Variants in RPA2 observed in about 807,000 individuals in gnomAD.
RPA2 encodes replication protein A 32 kDa subunit.
RPA2 carries 22 observed loss-of-function variants against 33.4 expected under a neutral mutation model. The ratio of observed to expected loss-of-function variants is 0.66; its 90% CI spans 0.47 to 0.94. RPA2 has a LOEUF of 0.94. Ranked by LOEUF, RPA2 falls within the 40% of genes least tolerant of loss-of-function variation. The pLI, the probability that RPA2 is intolerant of heterozygous loss-of-function variation, is 0.00. For synonymous variants in RPA2, 109 were observed against 114.9 expected (o/e 0.95, Z 0.33); for missense variants, 279 against 329.9 (o/e 0.85, Z 1.19).
rs751577638 is a variant in RPA2 at position 27,907,062 on chromosome 1, A to G, written c.220-21T>C. 6.9e-6 allele frequency: 5 copies of G among 729,650 alleles called. No individual in the cohort carries two copies. The Admixed American group carries it at 1.1e-4, about 16-fold the overall frequency. 45.2% of individuals were successfully genotyped at this position (729,650 alleles called of 1,614,324 possible). ...GTGACCTAGGTTAGAAGAAACAAAG[A>G]AAAAAAAAAAAGGTCTGGTTCCCCC... is the stretch of plus-strand genomic sequence containing the variant. On this transcript the variant is annotated intron_variant, in intron 3 of 8. Coordinates refer to ENST00000373912, the MANE Select transcript of RPA2 (RefSeq NM_002946.5).
chr1:27,910,515 GAAAAAC>G (rs1273001332), intron 2 of RPA2, among the ~76,000 whole-genome samples: 5 of 152,064 alleles, frequency 3.3e-5, no homozygotes, highest in East Asian at 1.9e-4. Flanking sequence ...CTTAATTTTG[GAAAAAC>G]AAAAACAAAA....
chr1:27,906,100 G>A (rs1186099067), intron 4 of RPA2, among the ~76,000 whole-genome samples: 1 of 151,806 alleles, frequency 6.6e-6, no homozygotes, highest in African/African-American at 2.4e-5. Context: ...CCGGGCGTGA[G>A]GGCTCATGCC....
At chr1:27,900,159 C>T (rs1242741649) in intron 4 of RPA2, among the ~76,000 whole-genome samples, 1 of 151,900 alleles carries the variant, frequency 6.6e-6, no homozygotes, top group South Asian at 2.1e-4. Context: ...TCATCCAGGA[C>T]GGATTACAAT....
In RPA2 at chr1:27,892,165, A is replaced by G; in HGVS notation, c.811T>C (p.Ter271GlnextTer68). ...CTCAGGTACCCAGTTAGATCCAGTT[A>G]TTCTGCATCTGTGGATTTAAAATGG... is the stretch of plus-strand genomic sequence containing the variant. ...DDHFKSTDAE[*>Q] Residue 271 changes from the stop codon to glutamine, a stop_lost, in exon 9 of 9, where the codon TAA becomes CAA. Coordinates refer to ENST00000373912, the MANE Select transcript of RPA2 (RefSeq NM_002946.5). 1 of 1,608,822 alleles carries G rather than the reference A, an allele frequency of 6.2e-7. No individual in the cohort carries two copies. The highest frequency in any genetic ancestry group is 1.7e-4 in the Middle Eastern group (1 of 6,042).
In RPA2 at chr1:27,892,122, G is replaced by A. The variant is rs201887009; in HGVS notation, c.*41C>T. On this transcript the variant is annotated 3_prime_UTR_variant, in exon 9 of 9. Transcript: ENST00000373912. ...CTGGAGACAACAGATTGTGAAACTA[G>A]GTCCAGCTGTAAAATATCTCAGGTA... is the stretch of plus-strand genomic sequence containing the variant. 1.1e-4 allele frequency: 168 copies of A among 1,524,018 alleles called. No individual in the cohort carries two copies. The highest frequency in any genetic ancestry group is 1.4e-4 in the Non-Finnish European group (158 of 1,100,016). The allele number at this position is 1,524,018 out of a possible 1,614,324, so 94.4% of individuals were successfully genotyped here.
intron 4 of RPA2, among the ~76,000 whole-genome samples, chr1:27,903,232 C>G (rs764674382): frequency 1.3e-5 from 2 of 151,834 alleles, no homozygotes; most frequent in East Asian, 1.9e-4. Flanking sequence ...CCTGGCCTTA[C>G]GATTATTTTA....
intron 4 of RPA2, among the ~76,000 whole-genome samples, chr1:27,904,714 G>C (rs1190924145): frequency 6.6e-6 from 1 of 151,990 alleles, no homozygotes; most frequent in African/African-American, 2.4e-5. Context: ...CAATCTGCTG[G>C]AGTGCAGTGG....
Position 27,910,213 on chromosome 1 carries a change from T to G in RPA2, c.118-2931A>C, listed in dbSNP as rs944134998. On this transcript the variant is annotated intron_variant, in intron 2 of 8. Coordinates refer to ENST00000373912, the MANE Select transcript of RPA2 (RefSeq NM_002946.5). Reference sequence around the variant, plus strand: ...TCCCAGCTCCAAAGTCCTGGACACATGACCACCTTTTCTGAAAACTGGGGA... The same window carrying G: ...TCCCAGCTCCAAAGTCCTGGACACAGGACCACCTTTTCTGAAAACTGGGGA... 1.3e-4 allele frequency among the ~76,000 whole-genome samples: 20 copies of G among 152,180 alleles called. 1 individual carries two copies. The highest frequency in any genetic ancestry group is 1.2e-3 in the Admixed American group (18 of 15,256).
At chr1:27,910,003 T>G (rs2090078635) in intron 2 of RPA2, among the ~76,000 whole-genome samples, 1 of 152,100 alleles carries the variant, frequency 6.6e-6, no homozygotes, top group Non-Finnish European at 1.5e-5. Flanking sequence ...ATGTTAATAT[T>G]TATAGTCTTA....
At chr1:27,895,215 C>T (rs879369113) in intron 6 of RPA2, among the ~76,000 whole-genome samples, 8 of 152,188 alleles carry the variant, frequency 5.3e-5, no homozygotes, top group Middle Eastern at 3.4e-3. Context: ...CATTGCCAGC[C>T]GGACTGCTAA....
intron 4 of RPA2, among the ~76,000 whole-genome samples, chr1:27,902,286 C>CTTT (rs11384286): frequency 1.4e-5 from 2 of 138,996 alleles, no homozygotes; most frequent in Admixed American, 7.3e-5. Flanking sequence ...TTTACGTATA[C>CTTT]TTTTTTTTTT....
chr1:27,904,902 T>C (rs1036565714), intron 4 of RPA2, among the ~76,000 whole-genome samples: 3 of 152,202 alleles, frequency 2.0e-5, no homozygotes, highest in Non-Finnish European at 2.9e-5. Context: ...CCCGCCAGCA[T>C]TGGCCTCCCA....
In RPA2 at chr1:27,896,046, C is replaced by A. The variant is rs1042439277; in HGVS notation, c.525+959G>T. On this transcript the variant is annotated intron_variant, in intron 6 of 8. Coordinates refer to ENST00000373912, the MANE Select transcript of RPA2 (RefSeq NM_002946.5). ...CTCCTGTTTTATTTACTTCAGAGCACCTATATAACTACCTAAAATTATACA... is the reference window on the plus strand; with the variant it reads ...CTCCTGTTTTATTTACTTCAGAGCAACTATATAACTACCTAAAATTATACA... Among the ~76,000 whole-genome samples, 10 of 151,274 alleles carry A rather than the reference C, an allele frequency of 6.6e-5. No individual in the cohort carries two copies. In the Admixed American group the frequency reaches 6.6e-4, roughly 10 times the overall value.
At chr1:27,894,470 C>A in intron 6 of RPA2, 73 bp from the exon 7 acceptor site, 2 of 1,263,032 alleles carry the variant, frequency 1.6e-6, no homozygotes, top group South Asian at 1.3e-5. Flanking sequence ...TAAAATAGCT[C>A]GTTAAGCAGC....
At chr1:27,899,448 T>A (rs1357068436) in intron 4 of RPA2, among the ~76,000 whole-genome samples, 1 of 138,156 alleles carries the variant, frequency 7.2e-6, no homozygotes, top group African/African-American at 2.7e-5. Flanking sequence ...GAGGTTGCAG[T>A]GAGAGACTGT....
At chr1:27,896,204 A>AT (rs1295348303) in intron 6 of RPA2, among the ~76,000 whole-genome samples, 9 of 150,924 alleles carry the variant, frequency 6.0e-5, no homozygotes, top group East Asian at 1.9e-4. Context: ...CTTTTTCTTT[A>AT]TTTTTTTTTG....
At chr1:27,899,513 G>GAAAAAAAAAAAAAAAAAAAAAAAAAAAA (rs67126026) in intron 4 of RPA2, among the ~76,000 whole-genome samples, 1 of 107,556 alleles carries the variant, frequency 9.3e-6, no homozygotes, top group Admixed American at 1.1e-4. Flanking sequence ...AAAAAAAAAA[G>GAAAAAAAAAAAAAAAAAAAAAAAAAAAA]AAAAAAAAAA....
At chr1:27,894,473 T>C in intron 6 of RPA2, 76 bp from the exon 7 acceptor site, 1 of 1,244,750 alleles carries the variant, frequency 8.0e-7, no homozygotes, top group South Asian at 1.3e-5. Flanking sequence ...AATAGCTCGT[T>C]AAGCAGCTTA....
intron 4 of RPA2, among the ~76,000 whole-genome samples, chr1:27,899,923 G>A (rs984940251): frequency 3.2e-4 from 49 of 151,948 alleles, no homozygotes; most frequent in African/African-American, 1.1e-3. Flanking sequence ...CTCGTGATCC[G>A]CCCGCCTCGG....
Sources: allele counts gnomAD v4.1 joint callset (sites outside exome capture counted in the v4.1 genomes callset), GRCh38; gene constraint gnomAD v4.1.1; transcripts MANE v1.5; gene names NCBI Gene and HGNC (gene_info 2026-07-23, HGNC 2026-07-21).